The following DOCK9 variants were observed in gnomAD, a reference collection of about 807,000 sequenced individuals.
DOCK9 encodes the protein dedicator of cytokinesis 9, also known as dedicator of cytokinesis protein 9.
A neutral mutation model predicts 263.3 loss-of-function variants in DOCK9; 89 were observed. That is an observed-to-expected ratio of 0.34 (90% CI 0.28 to 0.40). The LOEUF (loss-of-function observed/expected upper bound fraction) is 0.40, where lower values mean the gene tolerates loss of function less well. Among genes scored for constraint, DOCK9 ranks in the 10% least tolerant of loss-of-function variants. DOCK9 has a pLI of 1.00. For synonymous variants in DOCK9, 976 were observed against 973.1 expected (o/e 1.00, Z -0.06); for missense variants, 2,140 against 2,603.4 (o/e 0.82, Z 3.87).
intron 1 of DOCK9, among the ~76,000 whole-genome samples, chr13:98,959,024 A>G (rs2058366468): frequency 1.3e-5 from 2 of 152,218 alleles, no homozygotes; most frequent in South Asian, 4.1e-4. Flanking sequence ...GACAAAGTGT[A>G]ACTTTCAAGG....
At chr13:98,917,087 G>A (rs2139954548) in intron 7 of DOCK9, among the ~76,000 whole-genome samples, 1 of 152,276 alleles carries the variant, frequency 6.6e-6, no homozygotes, top group East Asian at 1.9e-4. Context: ...AGCTGCATCT[G>A]CAAAGACAAT....
chr13:98,987,529 C>T (rs920521382), intron 1 of DOCK9, among the ~76,000 whole-genome samples: 18 of 152,008 alleles, frequency 1.2e-4, no homozygotes, highest in African/African-American at 2.7e-4. Flanking sequence ...GTGAGGTTTA[C>T]GATGTTACAT....
chr13:98,907,885 T>C (rs1384366512), intron 9 of DOCK9, among the ~76,000 whole-genome samples: 2 of 152,310 alleles, frequency 1.3e-5, no homozygotes, highest in African/African-American at 2.4e-5. Context: ...AGAGCTACTA[T>C]TGATAATAGC....
chr13:98,965,200 G>A (rs2059076714), intron 1 of DOCK9, among the ~76,000 whole-genome samples: 1 of 152,104 alleles, frequency 6.6e-6, no homozygotes, highest in Non-Finnish European at 1.5e-5. Flanking sequence ...ACACAGGAAG[G>A]TCCCACGCCA....
chr13:98,882,999 C>T, intron 23 of DOCK9, 43 bp downstream of exon 23: 3 of 1,562,988 alleles, frequency 1.9e-6, no homozygotes, highest in Non-Finnish European at 2.6e-6. Context: ...CCAACCTACT[C>T]CAAACTCACT....
intron 1 of DOCK9, among the ~76,000 whole-genome samples, chr13:98,964,772 A>G (rs1338452630): frequency 6.6e-6 from 1 of 152,126 alleles, no homozygotes; most frequent in Non-Finnish European, 1.5e-5. Context: ...GGTGATGGGG[A>G]AAACTATACT....
chr13:98,897,771 G>A (rs1307351779), intron 14 of DOCK9, among the ~76,000 whole-genome samples, 161 bp from the exon 15 acceptor site: 20 of 152,186 alleles, frequency 1.3e-4, no homozygotes, highest in Non-Finnish European at 1.5e-5. Context: ...ATGGGGATGA[G>A]GACAACTAAA....
rs2296998 is a variant in DOCK9, at chr13:98,885,688, G to A, written c.2260+20C>T. On this transcript the variant is annotated intron_variant, in intron 20 of 52. Coordinates refer to ENST00000682017, the MANE Select transcript of DOCK9 (RefSeq NM_001366683.2). The stretch of plus-strand genomic sequence containing the variant: ...ATGTTTCAATTATTTAAAATCAAAG[G>A]AATGGTAAGCCCCCCCAACCTTGGG... 1.6e-5 allele frequency: 25 copies of A among 1,584,074 alleles called. No individual in the cohort carries two copies. The Middle Eastern group carries it at 6.7e-4, about 43-fold the overall frequency.
chr13:98,809,233 G>T, intron 47 of DOCK9, 119 bp downstream of exon 47: 1 of 1,205,686 alleles, frequency 8.3e-7, no homozygotes, highest in Non-Finnish European at 1.2e-6. Flanking sequence ...CATCAAATTA[G>T]CAATTACAGA....
At chr13:98,889,488 C>T (rs985740907) in intron 15 of DOCK9, among the ~76,000 whole-genome samples, 1 of 152,208 alleles carries the variant, frequency 6.6e-6, no homozygotes, top group African/African-American at 2.4e-5. Flanking sequence ...AGAGTCGAAG[C>T]TCACTGAAAT....
At chr13:99,056,708 C>G (rs2040939915) in intron 1 of DOCK9, among the ~76,000 whole-genome samples, 1 of 152,166 alleles carries the variant, frequency 6.6e-6, no homozygotes, top group African/African-American at 2.4e-5. Context: ...ACCTCCCTTT[C>G]CCTGTAACGT....
intron 27 of DOCK9, among the ~76,000 whole-genome samples, chr13:98,873,837 C>G (rs1480787152): frequency 6.6e-6 from 1 of 152,222 alleles, no homozygotes; most frequent in Non-Finnish European, 1.5e-5. Context: ...ACTGAACCCA[C>G]AGCCCTAAGC....
chr13:99,008,085 A>C (rs555531797), intron 1 of DOCK9, among the ~76,000 whole-genome samples: 1 of 152,036 alleles, frequency 6.6e-6, no homozygotes, highest in East Asian at 1.9e-4. Context: ...GGTATAGGTT[A>C]AATAAAATGT....
At chr13:98,933,648 A>AGT (rs2054312561) in intron 2 of DOCK9, among the ~76,000 whole-genome samples, 2 of 152,254 alleles carry the variant, frequency 1.3e-5, no homozygotes, top group African/African-American at 2.4e-5. Flanking sequence ...GTACATACGT[A>AGT]GTGTAGCATA....
At chr13:98,905,027 G>C (rs185768468) in intron 9 of DOCK9, among the ~76,000 whole-genome samples, 81 of 152,366 alleles carry the variant, frequency 5.3e-4, no homozygotes, top group African/African-American at 1.9e-3. Flanking sequence ...ATATGGGACA[G>C]GCTTGGAATG....
rs141472921 is a variant in DOCK9, at chr13:98,805,537, C to T, written c.5515-328G>A. On this transcript the variant is annotated intron_variant, in intron 48 of 52. Coordinates refer to ENST00000682017, the MANE Select transcript of DOCK9 (RefSeq NM_001366683.2). ...AAATAAGGACATTTGCTTCTATAAC[C>T]GCAATACATTATCATGCCTACCCAA... Among the ~76,000 whole-genome samples, 157 of 152,182 alleles carry T rather than the reference C, an allele frequency of 1.0e-3. 1 individual carries two copies. The highest frequency in any genetic ancestry group is 3.6e-3 in the African/African-American group (151 of 41,532).
At position 98,811,487 on chromosome 13, in the gene DOCK9, G is replaced by A. The variant is rs373176852; in HGVS notation, c.5131-1196C>T. 2.0e-5 allele frequency among the ~76,000 whole-genome samples: 3 copies of A among 152,032 alleles called. No individual in the cohort carries two copies. The East Asian group carries it at 5.8e-4, about 29-fold the overall frequency. On this transcript the variant is annotated intron_variant, in intron 45 of 52. Transcript: ENST00000682017. ...AGACTGGGTCTTGCTCTGTTGCCTA[G>A]GCTGGGGTACAGTGGCATGATCTTG...
At chr13:98,940,069 T>C (rs2055562025) in intron 2 of DOCK9, among the ~76,000 whole-genome samples, 1 of 152,222 alleles carries the variant, frequency 6.6e-6, no homozygotes, top group Non-Finnish European at 1.5e-5. Flanking sequence ...ATCTGGCAGA[T>C]GCATTTGTTT....
At chr13:99,073,808 C>T (rs1351517999) in intron 1 of DOCK9, among the ~76,000 whole-genome samples, 1 of 152,212 alleles carries the variant, frequency 6.6e-6, no homozygotes, top group East Asian at 1.9e-4. Flanking sequence ...TATCCTTTCT[C>T]CTCAATGACT....
Sources: gnomAD v4.1 joint callset for allele counts (sites outside exome capture counted in the v4.1 genomes callset) on GRCh38, gnomAD v4.1.1 for gene constraint, MANE v1.5 for transcripts, NCBI Gene and HGNC (gene_info 2026-07-23, HGNC 2026-07-21) for gene names.